Variants in PARD3B observed in about 807,000 individuals in gnomAD.
PARD3B encodes the protein partitioning defective 3 homolog B.
In PARD3B, 103 loss-of-function variants were observed where a neutral mutation model predicts 130.2. That is an observed-to-expected ratio of 0.79 (90% CI 0.67 to 0.93). PARD3B has a LOEUF of 0.93. Among genes scored for constraint, PARD3B ranks in the 40% least tolerant of loss-of-function variants. The pLI is 0.00. For missense variants in PARD3B, 1,609 were observed against 1,499.2 expected (o/e 1.07, Z -1.21); for synonymous variants, 583 against 553.2 (o/e 1.05, Z -0.76).
At chr2:205,451,746 A>T (rs2048111639) in intron 20 of PARD3B, among the ~76,000 whole-genome samples, 3 of 151,730 alleles carry the variant, frequency 2.0e-5, no homozygotes, top group African/African-American at 7.3e-5. Flanking sequence ...TGATACAGGC[A>T]TACAATGCAT....
rs137949070 is a variant in PARD3B at position 204,689,400 on chromosome 2, G to A, written c.222+3118G>A. 4.2e-3 allele frequency among the ~76,000 whole-genome samples: 643 copies of A among 152,216 alleles called. 2 individuals carry two copies. Among genetic ancestry groups the A allele is most frequent in the Non-Finnish European group, 6.5e-3 (440 of 68,002 alleles). On this transcript the variant is annotated intron_variant, in intron 2 of 22. Transcript: ENST00000406610. The surrounding 1 kb of genome is among the most constrained non-coding windows in gnomAD (Gnocchi z 5.2). ...ATTATTGGAACAGCTTTGGAATATT[G>A]CATCTTATGATAACTATTTGTATAA...
intron 2 of PARD3B, among the ~76,000 whole-genome samples, chr2:204,850,887 C>T (rs2044680198): frequency 6.6e-6 from 1 of 152,188 alleles, no homozygotes; most frequent in African/African-American, 2.4e-5. Flanking sequence ...TTATGACTGT[C>T]TGGCAAATTA....
chr2:204,971,199 C>T (rs1691671138), intron 3 of PARD3B, among the ~76,000 whole-genome samples: 2 of 152,132 alleles, frequency 1.3e-5, no homozygotes, highest in South Asian at 2.1e-4. Flanking sequence ...CGCTGATCTT[C>T]AGGAAAACGT....
At chr2:205,426,581 ACCT>A (rs2047155221) in intron 19 of PARD3B, among the ~76,000 whole-genome samples, 1 of 152,032 alleles carries the variant, frequency 6.6e-6, no homozygotes, top group African/African-American at 2.4e-5. Flanking sequence ...TAGGGAGCAA[ACCT>A]CCTCTTTACT....
At chr2:205,378,656 A>G (rs1450780076) in intron 18 of PARD3B, among the ~76,000 whole-genome samples, 1 of 145,078 alleles carries the variant, frequency 6.9e-6, no homozygotes, top group Admixed American at 6.9e-5. Flanking sequence ...TTTTTGAGAC[A>G]GAGTTTCACT....
intron 2 of PARD3B, among the ~76,000 whole-genome samples, chr2:204,754,977 C>G (rs1022730703): frequency 2.6e-5 from 4 of 152,108 alleles, no homozygotes; most frequent in Non-Finnish European, 4.4e-5. Flanking sequence ...AGTTAAGGGA[C>G]AGCTTCTTTG....
chr2:204,646,555 C>A (rs1002762295), intron 1 of PARD3B, among the ~76,000 whole-genome samples: 2 of 151,984 alleles, frequency 1.3e-5, no homozygotes, highest in African/African-American at 4.8e-5. Flanking sequence ...TTGTTTCTAA[C>A]CTGGGGCTAT....
intron 19 of PARD3B, among the ~76,000 whole-genome samples, chr2:205,410,206 A>C (rs1014835520): frequency 2.6e-5 from 4 of 152,172 alleles, no homozygotes; most frequent in Admixed American, 6.5e-5. Flanking sequence ...ATTTCCTTTG[A>C]GTGTCATGTC....
chr2:204,573,333 G>A (rs1002713787), intron 1 of PARD3B, among the ~76,000 whole-genome samples: 1 of 152,182 alleles, frequency 6.6e-6, no homozygotes, highest in Non-Finnish European at 1.5e-5. Flanking sequence ...ATGATAATAT[G>A]TAAAATTCAT....
In PARD3B at chr2:205,508,593, AG is replaced by A. The variant is rs1382235010; in HGVS notation, c.3180+8563del. ...TCTCCAAGAAAAAAAAAAAAAAAAAAGTATGTGTCCATAGACTCCTGCAGTT... is the reference window on the plus strand; with the variant it reads ...TCTCCAAGAAAAAAAAAAAAAAAAAATATGTGTCCATAGACTCCTGCAGTT... On this transcript the variant is annotated intron_variant, in intron 21 of 22. Coordinates refer to ENST00000406610, the MANE Select transcript of PARD3B (RefSeq NM_001302769.2). Among the ~76,000 whole-genome samples the A allele has an allele frequency of 3.6e-5, 5 of 137,162 alleles. 1 individual carries two copies. The highest frequency in any genetic ancestry group is 3.0e-4 in the Admixed American group (4 of 13,556). 90.0% of individuals were successfully genotyped at this position (137,162 alleles called of 152,430 possible).
intron 1 of PARD3B, among the ~76,000 whole-genome samples, chr2:204,661,131 C>G (rs566494428): frequency 1.3e-5 from 2 of 152,282 alleles, no homozygotes; most frequent in East Asian, 3.9e-4. Context: ...ATTTTTGAAG[C>G]ACTCAATTCC....
At chr2:204,596,214 A>C (rs537000471) in intron 1 of PARD3B, among the ~76,000 whole-genome samples, 1 of 152,174 alleles carries the variant, frequency 6.6e-6, no homozygotes, top group African/African-American at 2.4e-5. Context: ...ACTTTTTGTG[A>C]AAAATTTCAA....
chr2:204,954,052 T>C (rs1690032374), intron 2 of PARD3B, among the ~76,000 whole-genome samples: 1 of 152,204 alleles, frequency 6.6e-6, no homozygotes, highest in South Asian at 2.1e-4. Flanking sequence ...CATCATTCTA[T>C]GTTGGTTTAA....
chr2:205,298,502 T>C (rs2041874210), intron 16 of PARD3B, among the ~76,000 whole-genome samples: 1 of 152,136 alleles, frequency 6.6e-6, no homozygotes, highest in Admixed American at 6.5e-5. Context: ...TTGTATTTTT[T>C]TTTTTGCTTA....
chr2:204,794,630 T>C (rs545676655), intron 2 of PARD3B, among the ~76,000 whole-genome samples: 1 of 152,354 alleles, frequency 6.6e-6, no homozygotes, highest in South Asian at 2.1e-4. Context: ...CAGTAACATG[T>C]AGTCAAATAA....
intron 18 of PARD3B, among the ~76,000 whole-genome samples, chr2:205,344,478 T>A (rs1386880674): frequency 6.6e-6 from 1 of 152,124 alleles, no homozygotes; most frequent in Admixed American, 6.5e-5. Context: ...TCACAGACTA[T>A]CAACTTATGA....
intron 1 of PARD3B, among the ~76,000 whole-genome samples, chr2:204,608,751 T>C (rs557706838): frequency 1.3e-5 from 2 of 152,298 alleles, no homozygotes; most frequent in South Asian, 2.1e-4. Context: ...TGCTCCTGCA[T>C]ATGCATACAA....
intron 22 of PARD3B, among the ~76,000 whole-genome samples, chr2:205,597,344 A>G (rs1439000347): frequency 6.6e-6 from 1 of 152,160 alleles, no homozygotes; most frequent in Non-Finnish European, 1.5e-5. Flanking sequence ...TGTTGCTTCA[A>G]AGGACATGAT....
Position 205,132,980 on chromosome 2 carries a change from G to A in PARD3B, c.1434+7243G>A, listed in dbSNP as rs75172484. Among the ~76,000 whole-genome samples the A allele has an allele frequency of 6.6e-4, 101 of 152,140 alleles. 1 individual carries two copies. The East Asian group carries it at 0.016, about 24-fold the overall frequency. On this transcript the variant is annotated intron_variant, in intron 10 of 22. Coordinates refer to ENST00000406610, the MANE Select transcript of PARD3B (RefSeq NM_001302769.2). ...TTGGTGATATAGAAGGCTGGGAAAC[G>A]TATTACTAAATGAGCCATTACTGCT...
Sources: gnomAD v4.1 joint callset for allele counts (sites outside exome capture counted in the v4.1 genomes callset) on GRCh38, gnomAD v4.1.1 for gene constraint, Gnocchi (gnomAD v3.1) non-coding constraint, MANE v1.5 for transcripts, NCBI Gene and HGNC (gene_info 2026-07-23, HGNC 2026-07-21) for gene names.